The following TECRL variants were observed in gnomAD, a reference collection of about 807,000 sequenced individuals.
TECRL encodes trans-2,3-enoyl-CoA reductase like.
A neutral mutation model predicts 52.8 loss-of-function variants in TECRL; 63 were observed. The ratio of observed to expected loss-of-function variants is 1.19; its 90% confidence interval spans 0.97 to 1.47. The LOEUF (loss-of-function observed/expected upper bound fraction) is 1.47. Among genes scored for constraint, TECRL ranks in the 40% most tolerant of loss-of-function variants. TECRL has a pLI of 0.00. For missense variants in TECRL, 482 were observed against 429.6 expected (o/e 1.12, Z -1.08); for synonymous variants, 164 against 141.9 (o/e 1.16, Z -1.10).
chr4:64,279,028 C>T lies in TECRL; in HGVS notation c.*1044G>A, dbSNP rs1405904561. 1 of 152,732 alleles carries T rather than the reference C, an allele frequency of 6.5e-6. No individual in the cohort carries two copies. Among genetic ancestry groups the T allele is most frequent in the African/African-American group, 2.4e-5 (1 of 41,380 alleles). 9.5% of individuals were successfully genotyped at this position (152,732 alleles called of 1,614,324 possible). A position where few individuals can be genotyped will look rare whatever the true frequency, so the allele number is the denominator to read the frequency against. ...TCTGTTGTTGGACACCTAGGTTGCT[C>T]CTATATCTTGGCTATTGTGAATAGT... is the stretch of plus-strand genomic sequence containing the variant. On this transcript the variant is annotated 3_prime_UTR_variant, in exon 12 of 12. Coordinates refer to ENST00000381210, the MANE Select transcript of TECRL (RefSeq NM_001010874.5).
intron 1 of TECRL, among the ~76,000 whole-genome samples, chr4:64,405,610 G>T (rs967098140): frequency 2.0e-5 from 3 of 152,052 alleles, no homozygotes; most frequent in African/African-American, 7.2e-5. Flanking sequence ...TAGATATGTA[G>T]ATTTACAGTC....
At chr4:64,388,707 G>T (rs532275450) in intron 1 of TECRL, among the ~76,000 whole-genome samples, 2 of 151,768 alleles carry the variant, frequency 1.3e-5, no homozygotes, top group African/African-American at 4.8e-5. Flanking sequence ...CACATCCAGA[G>T]TATTTTAGTT....
intron 2 of TECRL, among the ~76,000 whole-genome samples, chr4:64,369,919 C>A (rs1721869235): frequency 6.6e-6 from 1 of 151,696 alleles, no homozygotes; most frequent in Non-Finnish European, 1.5e-5. Context: ...ACAAGTGCTA[C>A]ACATTGTGAT....
intron 5 of TECRL, among the ~76,000 whole-genome samples, chr4:64,312,880 G>C (rs1717146184): frequency 6.6e-6 from 1 of 151,796 alleles, no homozygotes; most frequent in Admixed American, 6.6e-5. Context: ...CCTAAAAAAA[G>C]AACGCTTTTA....
At chr4:64,283,452 G>A (rs1722931329) in intron 9 of TECRL, among the ~76,000 whole-genome samples, 1 of 152,052 alleles carries the variant, frequency 6.6e-6, no homozygotes, top group Non-Finnish European at 1.5e-5. Context: ...ACAGCTAATG[G>A]TACAGGGTAG....
chr4:64,306,436 T>G (rs1452537545), intron 6 of TECRL, among the ~76,000 whole-genome samples: 1 of 152,098 alleles, frequency 6.6e-6, no homozygotes, highest in Non-Finnish European at 1.5e-5. Flanking sequence ...CCCATTAGGG[T>G]GTTGGATAAA....
intron 8 of TECRL, among the ~76,000 whole-genome samples, chr4:64,295,960 T>A (rs1298327084): frequency 6.6e-6 from 1 of 152,100 alleles, no homozygotes; most frequent in African/African-American, 2.4e-5. Flanking sequence ...TTATTCTTTA[T>A]ATCAGATGCT....
intron 2 of TECRL, 80 bp from the exon 3 acceptor site, chr4:64,328,636 C>T: frequency 1.7e-6 from 2 of 1,203,824 alleles, no homozygotes; most frequent in Non-Finnish European, 2.4e-6. Flanking sequence ...CATGGGAAGA[C>T]CATTTAGATC....
chr4:64,328,260 G>GT (rs1560502859), intron 3 of TECRL, among the ~76,000 whole-genome samples: 1 of 151,852 alleles, frequency 6.6e-6, no homozygotes. Flanking sequence ...CAGACGACCA[G>GT]TTAAAGCTTC....
chr4:64,360,170 C>T (rs1405218784), intron 2 of TECRL, among the ~76,000 whole-genome samples: 1 of 152,046 alleles, frequency 6.6e-6, no homozygotes, highest in East Asian at 1.9e-4. Flanking sequence ...TAGATTCCTC[C>T]CAAAATAGTA....
chr4:64,280,094 G>A lies in TECRL; in HGVS notation c.1070C>T (p.Ala357Val). 1 of 1,594,572 alleles carries A rather than the reference G, an allele frequency of 6.3e-7. No homozygotes were observed. The highest frequency in any genetic ancestry group is 8.5e-7 in the Non-Finnish European group (1 of 1,172,920). ...KFNSYIHRKSAMIPFIL is the reference protein window; with the variant it reads ...KFNSYIHRKSVMIPFIL ...TTTTTACAATATGAATGGAATCATT[G>A]CTGATTTTCTATGAATATATGAATT... is the stretch of plus-strand genomic sequence containing the variant. Residue 357 changes from alanine to valine, a missense_variant, in exon 12 of 12, where the codon GCA becomes GTA. Transcript: ENST00000381210.
chr4:64,363,193 T>A (rs866469024), intron 2 of TECRL, among the ~76,000 whole-genome samples: 1 of 152,082 alleles, frequency 6.6e-6, no homozygotes, highest in Non-Finnish European at 1.5e-5. Context: ...ATAAAACAAG[T>A]TCTTAGAGGT....
chr4:64,287,188 C>T (rs1723122272), intron 9 of TECRL, among the ~76,000 whole-genome samples: 1 of 152,180 alleles, frequency 6.6e-6, no homozygotes, highest in South Asian at 2.1e-4. Flanking sequence ...ATATTTTTAA[C>T]TCACAGTACA....
chr4:64,374,912 T>A (rs561158443), intron 2 of TECRL, among the ~76,000 whole-genome samples: 4 of 152,244 alleles, frequency 2.6e-5, no homozygotes, highest in Admixed American at 2.0e-4. Context: ...AAGTTTCCTG[T>A]TATAATAAAA....
chr4:64,400,046 A>G (rs978453227), intron 1 of TECRL, among the ~76,000 whole-genome samples: 2 of 152,210 alleles, frequency 1.3e-5, no homozygotes, highest in Non-Finnish European at 2.9e-5. Flanking sequence ...CTGGCACTCA[A>G]TGCCAACCTA....
chr4:64,397,469 G>A (rs935567794), intron 1 of TECRL, among the ~76,000 whole-genome samples: 5 of 151,558 alleles, frequency 3.3e-5, no homozygotes, highest in African/African-American at 1.2e-4. Context: ...GGTATTGGGA[G>A]GTGGCGCCTT....
intron 4 of TECRL, among the ~76,000 whole-genome samples, chr4:64,316,512 TTAAACTTAGAAAG>T (rs1229547348): frequency 6.6e-6 from 1 of 152,078 alleles, no homozygotes; most frequent in Non-Finnish European, 1.5e-5. Context: ...AGACGATTTA[TTAAACTTAGAAAG>T]TAATCAGAAA....
At chr4:64,405,961 T>TG (rs1201610026) in intron 1 of TECRL, among the ~76,000 whole-genome samples, 2 of 152,078 alleles carry the variant, frequency 1.3e-5, no homozygotes, top group African/African-American at 4.8e-5. Flanking sequence ...CGTGCCTCAC[T>TG]GGTGACCTCA....
At chr4:64,385,799 C>G (rs1224150814) in intron 1 of TECRL, among the ~76,000 whole-genome samples, 1 of 152,102 alleles carries the variant, frequency 6.6e-6, no homozygotes, top group Non-Finnish European at 1.5e-5. Flanking sequence ...TTATACTAGT[C>G]TTGGGGCCCA....
Sources: allele counts gnomAD v4.1 joint callset (sites outside exome capture counted in the v4.1 genomes callset), GRCh38; gene constraint gnomAD v4.1.1; transcripts MANE v1.5; gene names NCBI Gene and HGNC (gene_info 2026-07-23, HGNC 2026-07-21).